FHIT: variants seen among roughly 807,000 people sequenced by gnomAD.
FHIT encodes the protein bis(5'-adenosyl)-triphosphatase.
A neutral mutation model predicts 17.9 loss-of-function variants in FHIT; 19 were observed. The ratio of observed to expected loss-of-function variants is 1.06; its 90% CI spans 0.74 to 1.56. FHIT has a LOEUF of 1.56. FHIT is among the 40% of genes most tolerant of loss of function. The pLI is 0.00. For synonymous variants in FHIT, 81 were observed against 69.7 expected (o/e 1.16, Z -0.81); for missense variants, 248 against 189.2 (o/e 1.31, Z -1.82).
chr3:60,537,659 G>A (rs1038942906), intron 4 of FHIT, among the ~76,000 whole-genome samples: 1 of 152,146 alleles, frequency 6.6e-6, no homozygotes, highest in Non-Finnish European at 1.5e-5. Context: ...GGAAAGCCAT[G>A]GGGGGCCGGG....
intron 5 of FHIT, among the ~76,000 whole-genome samples, chr3:60,521,480 T>A (rs151745): frequency 6.6e-6 from 1 of 152,038 alleles, no homozygotes; most frequent in Non-Finnish European, 1.5e-5. Flanking sequence ...ATCTGCTGAC[T>A]TCGTGATCCG....
intron 2 of FHIT, among the ~76,000 whole-genome samples, chr3:61,082,134 A>G (rs1408927844): frequency 4.6e-5 from 7 of 152,168 alleles, no homozygotes; most frequent in Non-Finnish European, 8.8e-5. Flanking sequence ...AAAAGTGCAT[A>G]AATCAGAATG....
At chr3:61,046,027 A>G (rs866527089) in intron 2 of FHIT, among the ~76,000 whole-genome samples, 2 of 152,238 alleles carry the variant, frequency 1.3e-5, no homozygotes, top group African/African-American at 2.4e-5. Context: ...AATGCCCACA[A>G]GAGAAAACAG....
At chr3:60,730,658 G>C (rs1295224319) in intron 4 of FHIT, 1 of 152,650 alleles carries the variant, frequency 6.6e-6, no homozygotes, top group East Asian at 1.9e-4. Context: ...GGCTGGAGCA[G>C]AGGCCAGGAC....
At chr3:61,014,428 A>G (rs1397481503) in intron 3 of FHIT, among the ~76,000 whole-genome samples, 4 of 152,004 alleles carry the variant, frequency 2.6e-5, no homozygotes, top group Non-Finnish European at 5.9e-5. Flanking sequence ...CAAGAGCTAT[A>G]TTAATCTGTA....
At chr3:61,179,705 C>G (rs13087524) in intron 2 of FHIT, among the ~76,000 whole-genome samples, 1 of 68,642 alleles carries the variant, frequency 1.5e-5, no homozygotes, top group Admixed American at 2.0e-4. Context: ...AAGACCCTAT[C>G]TCAAAAAAAA....
chr3:60,614,045 G>A (rs2038866474), intron 4 of FHIT, among the ~76,000 whole-genome samples: 1 of 152,050 alleles, frequency 6.6e-6, no homozygotes, highest in African/African-American at 2.4e-5. Context: ...TTGTGGGTGG[G>A]TGGAGAAAGA....
At chr3:61,070,997 T>A (rs2034786967) in intron 2 of FHIT, among the ~76,000 whole-genome samples, 1 of 152,062 alleles carries the variant, frequency 6.6e-6, no homozygotes, top group Non-Finnish European at 1.5e-5. Context: ...CTTATGGAGG[T>A]TTTTATTTCA....
At chr3:59,751,881 T>C (rs1282939501) in intron 9 of FHIT, 3 of 265,542 alleles carry the variant, frequency 1.1e-5, no homozygotes, top group Non-Finnish European at 2.1e-5. Flanking sequence ...AAGTTGGGGT[T>C]GACCTTTTAA....
At chr3:60,989,555 C>T (rs2029998382) in intron 3 of FHIT, among the ~76,000 whole-genome samples, 1 of 152,138 alleles carries the variant, frequency 6.6e-6, no homozygotes, top group East Asian at 1.9e-4. Flanking sequence ...TATTATTCTG[C>T]TTATCAACGT....
chr3:59,829,697 T>C (rs983590057), intron 8 of FHIT, among the ~76,000 whole-genome samples: 3 of 152,184 alleles, frequency 2.0e-5, no homozygotes, highest in African/African-American at 7.2e-5. Context: ...TGAATGAAAA[T>C]GCTACCTTAA....
chr3:61,014,521 T>G (rs2031970612), intron 3 of FHIT, among the ~76,000 whole-genome samples: 1 of 151,854 alleles, frequency 6.6e-6, no homozygotes, highest in Non-Finnish European at 1.5e-5. Context: ...GGCTCATGCC[T>G]GCAATCCCAG....
chr3:60,663,728 G>A (rs1553691764), intron 4 of FHIT, among the ~76,000 whole-genome samples: 1 of 152,064 alleles, frequency 6.6e-6, no homozygotes, highest in African/African-American at 2.4e-5. Context: ...CTCTGTACCT[G>A]TTTTATTAAG....
chr3:59,864,433 G>A (rs1702544877), intron 8 of FHIT, among the ~76,000 whole-genome samples: 2 of 152,106 alleles, frequency 1.3e-5, no homozygotes, highest in African/African-American at 2.4e-5. Context: ...CAGCCATGTG[G>A]AACTGTAAGT....
At chr3:60,416,660 G>C (rs530096803) in intron 5 of FHIT, among the ~76,000 whole-genome samples, 92 of 151,932 alleles carry the variant, frequency 6.1e-4, no homozygotes, top group Non-Finnish European at 1.2e-3. Flanking sequence ...TTCTTAGCTT[G>C]CAGGCTGTAA....
rs187795478 is a variant in FHIT, at chr3:61,131,691, G to A, written c.-164+68926C>T. ...GACCAGAACATGAGCCCAGTCTGCT[G>A]TGCACCTCACAGCAACATCCTGACA... On this transcript the variant is annotated intron_variant, in intron 2 of 9. Coordinates refer to ENST00000492590, the MANE Select transcript of FHIT (RefSeq NM_002012.4). 1.1e-3 allele frequency among the ~76,000 whole-genome samples: 167 copies of A among 152,316 alleles called. 1 individual carries two copies. The highest frequency in any genetic ancestry group is 3.4e-3 in the Middle Eastern group (1 of 294).
rs571702990 is a variant in FHIT, at chr3:60,367,772, C to T, written c.103+169088G>A. Among the ~76,000 whole-genome samples, 38 of 152,238 alleles carry T rather than the reference C, an allele frequency of 2.5e-4. 1 individual carries two copies. The Middle Eastern group carries it at 0.017, about 68-fold the overall frequency. On this transcript the variant is annotated intron_variant, in intron 5 of 9. Transcript: ENST00000492590. The stretch of plus-strand genomic sequence containing the variant: ...ACATACAAAGCTCTAATCAAGTTAT[C>T]GAATATTTCTACCACTCTAGGAAGT...
chr3:61,198,248 C>T (rs1240429956), intron 2 of FHIT, among the ~76,000 whole-genome samples: 1 of 152,096 alleles, frequency 6.6e-6, no homozygotes, highest in East Asian at 1.9e-4. Context: ...GGTTTGGAGG[C>T]CATGACTACT....
intron 5 of FHIT, among the ~76,000 whole-genome samples, chr3:60,171,842 A>G (rs757730937): frequency 6.7e-6 from 1 of 149,914 alleles, no homozygotes; most frequent in African/African-American, 2.5e-5. Context: ...AATAGTTAGG[A>G]TTATAACCAT....
Sources: gnomAD v4.1 joint callset for allele counts (sites outside exome capture counted in the v4.1 genomes callset) on GRCh38, gnomAD v4.1.1 for gene constraint, MANE v1.5 for transcripts, NCBI Gene and HGNC (gene_info 2026-07-23, HGNC 2026-07-21) for gene names.